The following NBEA variants were observed in gnomAD, a reference collection of about 807,000 sequenced individuals.
The protein encoded by NBEA is lysosomal-trafficking regulator 2.
Under a neutral mutation model 343.4 loss-of-function variants are expected in NBEA, and 44 were observed. The observed-to-expected ratio is 0.13, with a 90% confidence interval of 0.10 to 0.16. NBEA has a LOEUF of 0.16. NBEA is among the 10% of genes least tolerant of loss of function. The probability of loss-of-function intolerance (pLI) is 1.00; values close to 1 mark genes in which losing one functional copy is unlikely to be tolerated. For missense variants in NBEA, 2,555 were observed against 3,631.3 expected (o/e 0.70, Z 7.62); for synonymous variants, 1,175 against 1,238.7 (o/e 0.95, Z 1.08).
intron 48 of NBEA, among the ~76,000 whole-genome samples, chr13:35,615,469 G>A (rs1043205934): frequency 1.1e-4 from 17 of 151,856 alleles, no homozygotes; most frequent in Admixed American, 2.6e-4. Context: ...TCACCCTTCC[G>A]AGTAGCTGGG....
intron 28 of NBEA, among the ~76,000 whole-genome samples, chr13:35,177,639 A>T (rs1331076649): frequency 6.6e-6 from 1 of 151,840 alleles, no homozygotes; most frequent in East Asian, 1.9e-4. Context: ...CAATCTTATG[A>T]TCAGTTACTC....
chr13:35,020,189 T>G (rs1341177621), intron 1 of NBEA, among the ~76,000 whole-genome samples: 1 of 152,154 alleles, frequency 6.6e-6, no homozygotes, highest in Non-Finnish European at 1.5e-5. Context: ...ATCTAATAAA[T>G]TTTGATATGT....
Position 35,494,329 on chromosome 13 carries a change from A to G in NBEA, c.6585+21793A>G, listed in dbSNP as rs80171533. Among the ~76,000 whole-genome samples, 391 of 152,146 alleles carry G rather than the reference A, an allele frequency of 2.6e-3. 3 individuals carry two copies. Among genetic ancestry groups the G allele is most frequent in the African/African-American group, 8.7e-3 (361 of 41,560 alleles). ...GATCAACAATGGTAACAAAAATGTG[A>G]TTAAGACTTAAGGGAAAAAGTCAAG... On this transcript the variant is annotated intron_variant, in intron 41 of 58. Transcript: ENST00000379939.
At chr13:35,352,859 T>C (rs2040263621) in intron 38 of NBEA, among the ~76,000 whole-genome samples, 1 of 152,090 alleles carries the variant, frequency 6.6e-6, no homozygotes. Context: ...AAACCAAAAT[T>C]TGGTTGTTTA....
chr13:35,456,967 C>T (rs1275117163), intron 40 of NBEA, among the ~76,000 whole-genome samples: 8 of 150,734 alleles, frequency 5.3e-5, no homozygotes, highest in East Asian at 1.9e-4. Context: ...TAACAACATA[C>T]GTATATTGTT....
At chr13:35,566,787 C>T (rs9544666) in intron 44 of NBEA, 118 bp from the exon 45 acceptor site, 229,647 of 580,238 alleles carry the variant, frequency 0.4, 49,214 homozygotes, top group Non-Finnish European at 0.47. Context: ...GTTAAAGATA[C>T]GGTTCAATAA....
At chr13:35,257,749 T>C (rs1168179833) in intron 34 of NBEA, among the ~76,000 whole-genome samples, 1 of 152,204 alleles carries the variant, frequency 6.6e-6, no homozygotes, top group African/African-American at 2.4e-5. Flanking sequence ...TCCACCTTTC[T>C]ATATCCTGTT....
chr13:35,109,564 C>T, intron 12 of NBEA, 122 bp downstream of exon 12: 1 of 912,802 alleles, frequency 1.1e-6, no homozygotes, highest in South Asian at 3.0e-5. Context: ...TAATCTGTGG[C>T]AATTGTGTTA....
chr13:35,070,248 A>G (rs1593246436), intron 9 of NBEA, 143 bp downstream of exon 9: 1 of 781,694 alleles, frequency 1.3e-6, no homozygotes, highest in East Asian at 2.9e-5. Context: ...GTGAAACTTT[A>G]AAGAATATCT....
rs113856585 is a variant in NBEA, at chr13:35,353,615, G to A, written c.6179+1292G>A. ...GCATTTAATATTTATCATAATAATAGCAATAACCCATGGCCTCTAACATTT... is the reference window on the plus strand; with the variant it reads ...GCATTTAATATTTATCATAATAATAACAATAACCCATGGCCTCTAACATTT... On this transcript the variant is annotated intron_variant, in intron 38 of 58. Transcript: ENST00000379939. 7.9e-3 allele frequency among the ~76,000 whole-genome samples: 1,205 copies of A among 152,096 alleles called. 6 individuals are homozygous for A. Among genetic ancestry groups the A allele is most frequent in the Non-Finnish European group, 9.6e-3 (653 of 67,986 alleles).
chr13:35,038,757 A>G (rs2152556283), intron 1 of NBEA, among the ~76,000 whole-genome samples: 1 of 150,860 alleles, frequency 6.6e-6, no homozygotes, highest in African/African-American at 2.4e-5. Flanking sequence ...ACTCCTCCCC[A>G]CTCTTCCCTC....
chr13:34,946,141 C>T (rs926900179), intron 1 of NBEA, among the ~76,000 whole-genome samples: 2 of 152,104 alleles, frequency 1.3e-5, no homozygotes, highest in African/African-American at 4.8e-5. Flanking sequence ...AAGTTACAGT[C>T]AGAGTGCATT....
intron 30 of NBEA, among the ~76,000 whole-genome samples, chr13:35,189,254 ATTTCT>A (rs2071990920): frequency 6.6e-6 from 1 of 152,090 alleles, no homozygotes; most frequent in East Asian, 1.9e-4. Context: ...GTGAGGTGAT[ATTTCT>A]TTGCAGTTTT....
chr13:35,484,053 C>CT lies in NBEA; in HGVS notation c.6585+11518dup, dbSNP rs2076215976. Among the ~76,000 whole-genome samples the CT allele has an allele frequency of 2.0e-5, 3 of 152,060 alleles. No homozygotes were observed. The South Asian group carries it at 6.2e-4, about 32-fold the overall frequency. Reference sequence around the variant, plus strand: ...AACCCTTAACAGTTTTTGATAATACCTGAAGAGACTGTACCTAAATGGATT... The same window carrying CT: ...AACCCTTAACAGTTTTTGATAATACCTTGAAGAGACTGTACCTAAATGGATT... On this transcript the variant is annotated intron_variant, in intron 41 of 58. Transcript: ENST00000379939.
chr13:35,656,404 T>A (rs949040895), intron 55 of NBEA, among the ~76,000 whole-genome samples: 2 of 152,232 alleles, frequency 1.3e-5, no homozygotes, highest in Admixed American at 1.3e-4. Flanking sequence ...ACTTTCTACA[T>A]AAGCTCTGAA....
chr13:35,104,023 G>A (rs1291168138), intron 11 of NBEA, among the ~76,000 whole-genome samples: 1 of 151,754 alleles, frequency 6.6e-6, no homozygotes, highest in African/African-American at 2.4e-5. Flanking sequence ...GAAGTCATAA[G>A]CCTTATACCT....
chr13:35,337,580 T>C (rs1026145574), intron 36 of NBEA, among the ~76,000 whole-genome samples: 1 of 152,054 alleles, frequency 6.6e-6, no homozygotes, highest in Admixed American at 6.6e-5. Flanking sequence ...CCATTTTGAA[T>C]AATGGATAGA....
At chr13:35,568,562 C>A (rs2080243805) in intron 45 of NBEA, among the ~76,000 whole-genome samples, 1 of 151,964 alleles carries the variant, frequency 6.6e-6, no homozygotes, top group South Asian at 2.1e-4. Flanking sequence ...TAAGATCAGT[C>A]CCCCAAAAAA....
chr13:35,177,030 C>T lies in NBEA; in HGVS notation c.4589C>T (p.Pro1530Leu). Residue 1530 changes from proline to leucine, a missense_variant, in exon 28 of 59, where the codon CCT (proline) becomes CTT (leucine). Coordinates refer to ENST00000379939, the MANE Select transcript of NBEA (RefSeq NM_001385012.1). Reference protein sequence around the residue: ...PLENVPGNLSPIKDPDRLLQD... With the variant: ...PLENVPGNLSLIKDPDRLLQD... ...GAAAATGTTCCAGGTAACCTTTCTC[C>T]TATTAAGGATCCGGATAGACTTCTT... 1 of 1,604,178 alleles carries T rather than the reference C, an allele frequency of 6.2e-7. No individual in the cohort carries two copies. Among genetic ancestry groups the T allele is most frequent in the Non-Finnish European group, 8.5e-7 (1 of 1,174,402 alleles).
Sources: allele counts gnomAD v4.1 joint callset (sites outside exome capture counted in the v4.1 genomes callset), GRCh38; gene constraint gnomAD v4.1.1; transcripts MANE v1.5; gene names NCBI Gene and HGNC (gene_info 2026-07-23, HGNC 2026-07-21).